The following DCAF8L2 variants were observed in gnomAD, a reference collection of about 807,000 sequenced individuals.
The protein encoded by DCAF8L2 is DDB1- and CUL4-associated factor 8-like protein 2.
For missense variants in DCAF8L2, 430 were observed against 490.7 expected, an observed-to-expected ratio of 0.88 and a Z score of 1.17; for synonymous variants, 200 against 190.9, an observed-to-expected ratio of 1.05 and a Z score of -0.39.
At chrX:27,558,605 A>AT in the DCAF8L2 span, among the ~76,000 whole-genome samples, 1 of 110,350 alleles carries the variant, frequency 9.1e-6, no homozygotes, top group Non-Finnish European at 1.9e-5. Flanking sequence ...CTTTTTTTAA[A>AT]TTTTTTATTT....
chrX:27,737,040 C>A (rs998669191), intron 4 of DCAF8L2, among the ~76,000 whole-genome samples: 31 of 111,615 alleles, frequency 2.8e-4, no homozygotes, highest in African/African-American at 1.0e-3. Context: ...GGGAAAAAAT[C>A]TTTCATAAAA....
chrX:27,531,164 A>G, the DCAF8L2 span, among the ~76,000 whole-genome samples: 169 of 112,013 alleles, frequency 1.5e-3, no homozygotes, highest in African/African-American at 5.0e-3. Context: ...TAAAGGAAAG[A>G]CGTTTAATTG....
At chrX:27,534,752 T>G in the DCAF8L2 span, among the ~76,000 whole-genome samples, 2 of 112,070 alleles carry the variant, frequency 1.8e-5, no homozygotes, top group African/African-American at 6.5e-5. Flanking sequence ...CCCTAAATAA[T>G]AACATCTAGT....
At chrX:27,478,652 G>A in the DCAF8L2 span, among the ~76,000 whole-genome samples, 1 of 111,565 alleles carries the variant, frequency 9.0e-6, no homozygotes, top group African/African-American at 3.3e-5. Flanking sequence ...CTTTTTAAAT[G>A]TACCATGAGA....
At chrX:27,544,738 C>G in the DCAF8L2 span, among the ~76,000 whole-genome samples, 89 of 111,913 alleles carry the variant, frequency 8.0e-4, 1 homozygote, top group African/African-American at 2.5e-3. Flanking sequence ...AGATTATTAA[C>G]TCAAAACCTG....
the DCAF8L2 span, among the ~76,000 whole-genome samples, chrX:27,475,218 C>T: frequency 3.6e-5 from 4 of 111,461 alleles, no homozygotes; most frequent in African/African-American, 1.3e-4. Context: ...ACTCACTTCC[C>T]TTAGAGGTAA....
chrX:27,476,861 T>C, the DCAF8L2 span, among the ~76,000 whole-genome samples: 1 of 112,329 alleles, frequency 8.9e-6, no homozygotes, highest in Non-Finnish European at 1.9e-5. Context: ...TGTCTCTGTT[T>C]AATTCTGGAA....
At chrX:27,599,826 A>G (rs1418770457) in intron 1 of DCAF8L2, among the ~76,000 whole-genome samples, 1 of 111,963 alleles carries the variant, frequency 8.9e-6, no homozygotes, top group Non-Finnish European at 1.9e-5. Context: ...TTATTATACA[A>G]ATTGCTACAA....
At chrX:27,516,910 C>G in the DCAF8L2 span, among the ~76,000 whole-genome samples, 1 of 111,419 alleles carries the variant, frequency 9.0e-6, no homozygotes, top group Non-Finnish European at 1.9e-5. Context: ...TATTAATAAT[C>G]TGTTTTTCTA....
In DCAF8L2 at chrX:27,716,069, A is replaced by C. The variant is rs1931691627; in HGVS notation, c.-142-19A>C. 8.9e-6 allele frequency: 1 copy of C among 112,218 alleles called. No individual in the cohort carries two copies. Among genetic ancestry groups the C allele is most frequent in the Non-Finnish European group, 1.9e-5 (1 of 53,292 alleles). The allele number at this position is 112,218 out of a possible 1,213,427, so 9.2% of individuals were successfully genotyped here. ...ATCTGATTAGACTTGCACTAAAACA[A>C]TTTATTTTATCCTGTTAGGAAGCTG... On this transcript the variant is annotated intron_variant, in intron 3 of 4. Transcript: ENST00000451261.
At chrX:27,706,925 A>G (rs1236748262) in intron 3 of DCAF8L2, among the ~76,000 whole-genome samples, 3 of 112,670 alleles carry the variant, frequency 2.7e-5, no homozygotes, top group African/African-American at 9.7e-5. Flanking sequence ...GTGGTATATC[A>G]TAAAATGGAA....
chrX:27,547,398 C>A, the DCAF8L2 span, among the ~76,000 whole-genome samples: 1 of 112,237 alleles, frequency 8.9e-6, no homozygotes, highest in South Asian at 3.7e-4. Flanking sequence ...ATCTTTACAG[C>A]AGTACCCCAC....
chrX:27,583,751 C>T, the DCAF8L2 span, among the ~76,000 whole-genome samples: 6 of 111,449 alleles, frequency 5.4e-5, no homozygotes, highest in East Asian at 1.4e-3. Context: ...ACGCTCCTTA[C>T]GAGAATGTAA....
chrX:27,618,885 T>A (rs181480688), intron 1 of DCAF8L2, among the ~76,000 whole-genome samples: 68 of 111,445 alleles, frequency 6.1e-4, no homozygotes, highest in African/African-American at 2.0e-3. Flanking sequence ...GGTTTAGTTT[T>A]TTTTTAAATA....
the DCAF8L2 span, among the ~76,000 whole-genome samples, chrX:27,580,216 C>T: frequency 9.1e-6 from 1 of 110,378 alleles, no homozygotes; most frequent in East Asian, 2.8e-4. Context: ...CTTACAAGGC[C>T]CTTGTCACAG....
chrX:27,747,347 C>T lies in DCAF8L2; in HGVS notation c.452C>T (p.Ala151Val). The change falls in exon 5 of 5, where the codon GCG (alanine) becomes GTG (valine). Residue 151 changes from alanine (A) to valine (V), a missense_variant. Physicochemically the swap from Ala to Val is moderately conservative, Grantham distance 64. Transcript: ENST00000451261. ...GAGGAGGAAGAAGAACAGCCTCGGG[C>T]GGGTCCACAAGGCAGTGGCGGCAAC... is the stretch of plus-strand genomic sequence containing the variant. ...EEEEEEEQPR[A>V]GPQGSGGNHE... 1.7e-6 allele frequency: 2 copies of T among 1,159,148 alleles called. No individual in the cohort carries two copies. Among genetic ancestry groups the T allele is most frequent in the Non-Finnish European group, 2.3e-6 (2 of 870,619 alleles).
rs1281198649 is a variant in DCAF8L2 at position 27,749,835 on chromosome X, T to G, written c.*1044T>G. On this transcript the variant is annotated 3_prime_UTR_variant, in exon 5 of 5. Coordinates refer to ENST00000451261, the MANE Select transcript of DCAF8L2 (RefSeq NM_001353450.2). ...TCCTCACATTGCTTAAAATTCTCTC[T>G]GCTGTTTAAATTGCTTTAAAAATTG... 8.9e-6 allele frequency among the ~76,000 whole-genome samples: 1 copy of G among 112,714 alleles called. No homozygotes were observed. The highest frequency in any genetic ancestry group is 1.9e-5 in the Non-Finnish European group (1 of 53,366).
intron 4 of DCAF8L2, among the ~76,000 whole-genome samples, chrX:27,736,737 A>C (rs924341620): frequency 2.7e-5 from 3 of 112,069 alleles, no homozygotes; most frequent in Admixed American, 1.9e-4. Flanking sequence ...CCTTTATAAG[A>C]AAGCAGCAGT....
chrX:27,689,518 T>A (rs1191422075), intron 3 of DCAF8L2, among the ~76,000 whole-genome samples: 1 of 112,884 alleles, frequency 8.9e-6, no homozygotes, highest in Non-Finnish European at 1.9e-5. Context: ...GTGCTGGGAT[T>A]ACAGGCGTGA....
Sources: gnomAD v4.1 joint callset for allele counts (sites outside exome capture counted in the v4.1 genomes callset) on GRCh38, gnomAD v4.1.1 for gene constraint, MANE v1.5 for transcripts, NCBI Gene and HGNC (gene_info 2026-07-23, HGNC 2026-07-21) for gene names.